Variants in KIF3B observed in about 807,000 individuals in gnomAD.
KIF3B encodes kinesin-like protein KIF3B.
Under a neutral mutation model 74.3 loss-of-function variants are expected in KIF3B, and 38 were observed. The observed-to-expected ratio is 0.51, with a 90% CI of 0.39 to 0.67. The LOEUF (loss-of-function observed/expected upper bound fraction) is 0.67, where lower values mean the gene tolerates loss of function less well. KIF3B is among the 30% of genes least tolerant of loss of function. The pLI, the probability that KIF3B is intolerant of heterozygous loss-of-function variation, is 0.00. For missense variants in KIF3B, 649 were observed against 932.0 expected (o/e 0.70, Z 3.95); for synonymous variants, 326 against 342.5 (o/e 0.95, Z 0.53).
intron 2 of KIF3B, among the ~76,000 whole-genome samples, chr20:32,312,747 T>C (rs2047807501): frequency 6.6e-6 from 1 of 152,216 alleles, no homozygotes; most frequent in Admixed American, 6.5e-5. Flanking sequence ...AATGCTCTTG[T>C]GCTTGGCTTC....
At position 32,310,473 on chromosome 20, in the gene KIF3B, T is replaced by C. The variant is rs779710160; in HGVS notation, c.696T>C (p.Gly232=). 2.5e-6 allele frequency: 4 copies of C among 1,613,832 alleles called. No individual in the cohort carries two copies. In the East Asian group the frequency reaches 6.7e-5, roughly 27 times the overall value. ...AGTGCAGCGAGGTGGGCCTCGATGGTGAAAACCACATCCGTGTAGGAAAAT... is the reference window on the plus strand; with the variant it reads ...AGTGCAGCGAGGTGGGCCTCGATGGCGAAAACCACATCCGTGTAGGAAAAT... ...TIECSEVGLD[G]ENHIRVGKLN... is the part of the protein sequence containing the mutation. The change falls in exon 2 of 9, where the codon GGT becomes GGC. Residue 232 remains glycine (G), a synonymous_variant. Transcript: ENST00000375712. The surrounding 1 kb of genome is among the most constrained non-coding windows in gnomAD (Gnocchi z 6.5).
chr20:32,303,809 TG>T (rs1328644157), intron 1 of KIF3B, among the ~76,000 whole-genome samples: 1 of 148,718 alleles, frequency 6.7e-6, no homozygotes, highest in Non-Finnish European at 1.5e-5. Flanking sequence ...GAGCCAAGAT[TG>T]TGCCATTGCA....
chr20:32,310,293 A>G lies in KIF3B; in HGVS notation c.516A>G (p.Thr172=). The change falls in exon 2 of 9, where the codon ACA becomes ACG. Residue 172 remains threonine, a synonymous_variant. Coordinates refer to ENST00000375712, the MANE Select transcript of KIF3B (RefSeq NM_004798.4). This position sits in a 1 kb window ranked among gnomAD's most constrained non-coding sequence, Gnocchi z 6.5. ...TTGAGCTCAAAGAGAGGCCTGACACAGGAGTGTATGTGAAAGACCTGTCTT... is the reference window on the plus strand; with the variant it reads ...TTGAGCTCAAAGAGAGGCCTGACACGGGAGTGTATGTGAAAGACCTGTCTT... ...KRLELKERPD[T]GVYVKDLSSF... The G allele has an allele frequency of 6.2e-7, 1 of 1,613,990 alleles. No individual in the cohort carries two copies. Among genetic ancestry groups the G allele is most frequent in the Admixed American group, 1.7e-5 (1 of 60,022 alleles).
intron 1 of KIF3B, among the ~76,000 whole-genome samples, chr20:32,294,845 T>C (rs2047709352): frequency 6.6e-6 from 1 of 152,218 alleles, no homozygotes; most frequent in African/African-American, 2.4e-5. Flanking sequence ...AACTGTATCA[T>C]AGTAATTCTG....
At chr20:32,322,107 A>C (rs4911216) in intron 5 of KIF3B, among the ~76,000 whole-genome samples, 52,343 of 151,938 alleles carry the variant, frequency 0.34, 10,289 homozygotes, top group East Asian at 0.74. Context: ...GCAATATTGT[A>C]ATCTTAACAG....
In KIF3B at chr20:32,322,761, TA is replaced by T. The variant is rs1380026936; in HGVS notation, c.1749-4009del. On this transcript the variant is annotated intron_variant, in intron 5 of 8. Coordinates refer to ENST00000375712, the MANE Select transcript of KIF3B (RefSeq NM_004798.4). The stretch of plus-strand genomic sequence containing the variant: ...ATATATTTATTTATATATATATTTA[TA>T]TATATTTATATATATATTTATATAT... Among the ~76,000 whole-genome samples, 38 of 47,948 alleles carry T rather than the reference TA, an allele frequency of 7.9e-4. 5 individuals are homozygous for T. Among genetic ancestry groups the T allele is most frequent in the East Asian group, 6.0e-3 (2 of 334 alleles). 31.5% of individuals were successfully genotyped at this position (47,948 alleles called of 152,430 possible).
chr20:32,317,426 A>G (rs971158986), intron 5 of KIF3B, among the ~76,000 whole-genome samples: 1 of 152,140 alleles, frequency 6.6e-6, no homozygotes, highest in Non-Finnish European at 1.5e-5. Flanking sequence ...CTGGTCTTAC[A>G]TCTGTCTGAT....
intron 5 of KIF3B, among the ~76,000 whole-genome samples, chr20:32,318,302 CA>C (rs11484333): frequency 2.8e-4 from 40 of 145,302 alleles, no homozygotes; most frequent in Non-Finnish European, 3.2e-4. Flanking sequence ...ATTCTTGTCT[CA>C]AAAAAAAAAA....
chr20:32,322,690 T>TA (rs1243915600), intron 5 of KIF3B, among the ~76,000 whole-genome samples: 1 of 53,718 alleles, frequency 1.9e-5, no homozygotes, highest in African/African-American at 1.3e-4. Flanking sequence ...TTATATATAT[T>TA]TATATATATT....
chr20:32,307,449 CG>C, intron 1 of KIF3B, among the ~76,000 whole-genome samples: 1 of 152,082 alleles, frequency 6.6e-6, no homozygotes, highest in Non-Finnish European at 1.5e-5. Context: ...GATGGGAACC[CG>C]GGTTGCTCAC....
chr20:32,323,558 AC>A (rs2047887553), intron 5 of KIF3B, among the ~76,000 whole-genome samples: 1 of 151,644 alleles, frequency 6.6e-6, no homozygotes, highest in African/African-American at 2.4e-5. Flanking sequence ...GTGAGCCACC[AC>A]GCCCAGCCAA....
chr20:32,296,492 C>T lies in KIF3B; in HGVS notation c.-65-13221C>T, dbSNP rs572355540. Among the ~76,000 whole-genome samples the T allele has an allele frequency of 4.4e-4, 67 of 151,904 alleles. 1 individual carries two copies. Among genetic ancestry groups the T allele is most frequent in the Admixed American group, 1.4e-3 (21 of 15,246 alleles). ...GTGGGTGCCTGCCATCCCAGCTACT[C>T]GGGAGGCTGAGGCACAAGAATCGCT... is the stretch of plus-strand genomic sequence containing the variant. On this transcript the variant is annotated intron_variant, in intron 1 of 8. Coordinates refer to ENST00000375712, the MANE Select transcript of KIF3B (RefSeq NM_004798.4).
rs2047935012 is a variant in KIF3B at position 32,332,448 on chromosome 20, C to A, written c.*1129C>A. The A allele has an allele frequency of 6.6e-6, 1 of 152,284 alleles. No homozygotes were observed. The allele number at this position is 152,284 out of a possible 1,614,324, so 9.4% of individuals were successfully genotyped here. ...GCCTTCAGCAGAGAATTCACCGAAT[C>A]CTAGAACTGTGGCTCCCTCCAGGCA... is the stretch of plus-strand genomic sequence containing the variant. On this transcript the variant is annotated 3_prime_UTR_variant, in exon 9 of 9. Transcript: ENST00000375712.
In KIF3B at chr20:32,285,099, C is replaced by CAAA. The variant is rs11480924; in HGVS notation, c.-66+7349_-66+7351dup. Among the ~76,000 whole-genome samples, 36 of 102,470 alleles carry CAAA rather than the reference C, an allele frequency of 3.5e-4. 1 individual carries two copies. The highest frequency in any genetic ancestry group is 1.1e-3 in the East Asian group (5 of 4,378). 67.2% of individuals were successfully genotyped at this position (102,470 alleles called of 152,430 possible). A position where few individuals can be genotyped will look rare whatever the true frequency, so the allele number is the denominator to read the frequency against. On this transcript the variant is annotated intron_variant, in intron 1 of 8. Transcript: ENST00000375712. ...TGCATAACTAATTTTAAATGATGAC[C>CAAA]AAAAAAAAAAAAAAAAACAGTGACT...
intron 1 of KIF3B, among the ~76,000 whole-genome samples, chr20:32,308,247 AG>A (rs2047781952): frequency 6.6e-6 from 1 of 152,032 alleles, no homozygotes; most frequent in Admixed American, 6.6e-5. Context: ...AATTAAAAAA[AG>A]GGTTTCATTC....
At chr20:32,313,873 A>G (rs548952996) in intron 2 of KIF3B, among the ~76,000 whole-genome samples, 12 of 151,984 alleles carry the variant, frequency 7.9e-5, no homozygotes, top group Admixed American at 2.0e-4. Flanking sequence ...TGCCCAGCTA[A>G]TTTTGTTGAT....
At chr20:32,298,070 G>T (rs978950044) in intron 1 of KIF3B, among the ~76,000 whole-genome samples, 2 of 146,018 alleles carry the variant, frequency 1.4e-5, no homozygotes, top group Non-Finnish European at 3.0e-5. Flanking sequence ...AGATCATGTC[G>T]TTGCACTCCA....
chr20:32,323,082 A>T (rs1212970588), intron 5 of KIF3B, among the ~76,000 whole-genome samples: 7 of 106,762 alleles, frequency 6.6e-5, no homozygotes, highest in African/African-American at 2.7e-4. Flanking sequence ...ATATATTTAT[A>T]TATATTTATA....
chr20:32,327,616 G>A lies in KIF3B; in HGVS notation c.1923G>A (p.Gln641=). 1 of 1,613,452 alleles carries A rather than the reference G, an allele frequency of 6.2e-7. No individual in the cohort carries two copies. The highest frequency in any genetic ancestry group is 2.2e-5 in the East Asian group (1 of 44,858). ...TGGGATATAAGAGACCATTGAGCCA[G>A]CACGCAAGAATGTCCATGATGATTC... ...SAVGYKRPLS[Q]HARMSMMIRP... is the part of the protein sequence containing the mutation. The change falls in exon 7 of 9, where the codon CAG becomes CAA. Residue 641 remains glutamine (Q), a synonymous_variant. Coordinates refer to ENST00000375712, the MANE Select transcript of KIF3B (RefSeq NM_004798.4).
Sources: gnomAD v4.1 joint callset for allele counts (sites outside exome capture counted in the v4.1 genomes callset) on GRCh38, gnomAD v4.1.1 for gene constraint, Gnocchi (gnomAD v3.1) non-coding constraint, MANE v1.5 for transcripts, NCBI Gene and HGNC (gene_info 2026-07-23, HGNC 2026-07-21) for gene names.